C8orf88: variants seen among roughly 807,000 people sequenced by gnomAD.
The protein encoded by C8orf88 is chromosome 8 open reading frame 88.
In C8orf88, 14 loss-of-function variants were observed where a neutral mutation model predicts 18.4. The observed-to-expected ratio is 0.76, with a 90% CI of 0.50 to 1.19. C8orf88 has a LOEUF of 1.19. Among genes scored for constraint, C8orf88 ranks in the 50% most tolerant of loss-of-function variants. The pLI, the probability that C8orf88 is intolerant of heterozygous loss-of-function variation, is 0.00. For synonymous variants in C8orf88, 45 were observed against 42.9 expected (o/e 1.05, Z -0.19); for missense variants, 116 against 134.7 (o/e 0.86, Z 0.69).
chr8:90,975,015 T>TC (rs1811327585), intron 3 of C8orf88, among the ~76,000 whole-genome samples: 1 of 152,138 alleles, frequency 6.6e-6, no homozygotes, highest in African/African-American at 2.4e-5. Flanking sequence ...TATCGAAATA[T>TC]CTGAAACACT....
At chr8:90,970,523 G>T (rs1462417429) in intron 4 of C8orf88, among the ~76,000 whole-genome samples, 1 of 151,998 alleles carries the variant, frequency 6.6e-6, no homozygotes, top group Non-Finnish European at 1.5e-5. Flanking sequence ...TTCAGTAATA[G>T]AATTAACTGT....
rs916174726 is a variant in C8orf88 at position 90,962,531 on chromosome 8, G to GA, written c.224-1684dup. ...AAAAACCAGGGGAATACTTAGTGAA[G>GA]AAAAAAAAATAGCTAAATTTGGGAA... On this transcript the variant is annotated intron_variant, in intron 4 of 5. Transcript: ENST00000517562. 2.1e-4 allele frequency among the ~76,000 whole-genome samples: 31 copies of GA among 150,014 alleles called. No individual in the cohort carries two copies. In the East Asian group the frequency reaches 2.3e-3, roughly 11 times the overall value.
intron 3 of C8orf88, among the ~76,000 whole-genome samples, chr8:90,973,323 T>C (rs1466829892): frequency 1.3e-5 from 2 of 152,100 alleles, no homozygotes; most frequent in Non-Finnish European, 2.9e-5. Flanking sequence ...AATAGCCTTG[T>C]ACTGAAGAGC....
intron 4 of C8orf88, among the ~76,000 whole-genome samples, chr8:90,970,437 CATTTT>C (rs760233531): frequency 1.8e-4 from 28 of 151,930 alleles, no homozygotes; most frequent in Non-Finnish European, 3.2e-4. Context: ...AAACTAAAAT[CATTTT>C]ATTTTATTTT....
rs746219265 is a variant in C8orf88 at position 90,971,118 on chromosome 8, G to C, written c.171C>G (p.Ala57=). ...VSRCKTNGMQ[A]FSQGLNEQQQ... is the part of the protein sequence containing the mutation. The stretch of plus-strand genomic sequence containing the variant: ...GTTGCTCATTAAGACCTTGAGAAAA[G>C]GCTTGCATTCCATTCGTCTTACACT... Residue 57 remains alanine, a synonymous_variant, in exon 4 of 6, where the codon GCC becomes GCG. Transcript: ENST00000517562. 6.6e-7 allele frequency: 1 copy of C among 1,520,556 alleles called. No homozygotes were observed. 94.2% of individuals were successfully genotyped at this position (1,520,556 alleles called of 1,614,324 possible). A position where few individuals can be genotyped will look rare whatever the true frequency, so the allele number is the denominator to read the frequency against.
chr8:90,973,635 A>G (rs1342434681), intron 3 of C8orf88, among the ~76,000 whole-genome samples: 1 of 152,006 alleles, frequency 6.6e-6, no homozygotes, highest in East Asian at 1.9e-4. Flanking sequence ...GGCATATACC[A>G]CCATACCCAG....
chr8:90,975,399 C>T (rs1351348231), intron 3 of C8orf88, among the ~76,000 whole-genome samples: 4 of 151,930 alleles, frequency 2.6e-5, no homozygotes, highest in Non-Finnish European at 4.4e-5. Flanking sequence ...TTTCAATGAA[C>T]TTTTGCAGTT....
At chr8:90,977,787 C>CA (rs985004716) in intron 3 of C8orf88, among the ~76,000 whole-genome samples, 34 of 148,550 alleles carry the variant, frequency 2.3e-4, no homozygotes, top group Non-Finnish European at 2.7e-4. Flanking sequence ...ACTAAAAATA[C>CA]AAAAAAAAAA....
intron 1 of C8orf88, 61 bp from the exon 2 acceptor site, chr8:90,980,522 T>A: frequency 1.6e-6 from 1 of 632,338 alleles, no homozygotes; most frequent in Non-Finnish European, 2.6e-6. Flanking sequence ...GCTTTACATG[T>A]ATACAAATAA....
chr8:90,965,916 T>C (rs766724071), intron 4 of C8orf88, among the ~76,000 whole-genome samples: 18 of 151,822 alleles, frequency 1.2e-4, no homozygotes, highest in African/African-American at 4.3e-4. Flanking sequence ...TAAATGTCTA[T>C]ATTAAAAAAG....
rs1377006126 is a variant in C8orf88, at chr8:90,960,780, C to G, written c.292G>C (p.Asp98His). ...SSVSICRKKP[D>H]FLPDHPIVLQ... The stretch of plus-strand genomic sequence containing the variant: ...ACAATGGGATGATCAGGCAGAAAGT[C>G]TGGTTTTTTTCTGCAGATGGAAACA... The change falls in exon 5 of 6, where the codon GAC becomes CAC. Residue 98 changes from aspartate to histidine, a missense_variant. Coordinates refer to ENST00000517562, the MANE Select transcript of C8orf88 (RefSeq NM_001190972.2). The G allele has an allele frequency of 1.3e-6, 2 of 1,531,286 alleles. No homozygotes were observed. The highest frequency in any genetic ancestry group is 2.4e-5 in the South Asian group (2 of 83,870). The allele number at this position is 1,531,286 out of a possible 1,614,324, so 94.9% of individuals were successfully genotyped here.
chr8:90,977,326 C>A lies in C8orf88; in HGVS notation c.147+1253G>T, dbSNP rs542499867. ...AATCAGAGCCCCTGTTCATACAAAT[C>A]GCTTTGAAGAGTAATTTGGCAGTAT... On this transcript the variant is annotated intron_variant, in intron 3 of 5. Coordinates refer to ENST00000517562, the MANE Select transcript of C8orf88 (RefSeq NM_001190972.2). Among the ~76,000 whole-genome samples the A allele has an allele frequency of 2.0e-5, 3 of 152,236 alleles. No individual in the cohort carries two copies. In the South Asian group the frequency reaches 6.2e-4, roughly 32 times the overall value.
chr8:90,979,827 C>A (rs2130324758), intron 2 of C8orf88, among the ~76,000 whole-genome samples: 1 of 152,088 alleles, frequency 6.6e-6, no homozygotes, highest in Non-Finnish European at 1.5e-5. Context: ...GCTTCATGGG[C>A]AAAAGAAAAA....
chr8:90,966,498 TATAATAATA>T (rs34167108), intron 4 of C8orf88, among the ~76,000 whole-genome samples: 3 of 140,738 alleles, frequency 2.1e-5, no homozygotes, highest in African/African-American at 7.7e-5. Context: ...AAACTTAAAG[TATAATAATA>T]ATAATAATAA....
intron 4 of C8orf88, among the ~76,000 whole-genome samples, chr8:90,970,782 A>C (rs1280880917): frequency 6.6e-6 from 1 of 152,068 alleles, no homozygotes; most frequent in Non-Finnish European, 1.5e-5. Context: ...ATAACAGAAC[A>C]GTGGGAAAAT....
chr8:90,970,992 G>T (rs1811273473), intron 4 of C8orf88, 74 bp downstream of exon 4: 2 of 808,664 alleles, frequency 2.5e-6, no homozygotes, highest in Admixed American at 3.0e-5. Context: ...GCATCTAAGT[G>T]ATAAAGTAAT....
At chr8:90,975,861 T>C (rs1173563117) in intron 3 of C8orf88, among the ~76,000 whole-genome samples, 1 of 151,484 alleles carries the variant, frequency 6.6e-6, no homozygotes. Context: ...AAAAACTAGA[T>C]ACAATCCAAT....
intron 3 of C8orf88, among the ~76,000 whole-genome samples, chr8:90,972,584 T>C (rs1446691015): frequency 6.6e-6 from 1 of 152,098 alleles, no homozygotes; most frequent in Non-Finnish European, 1.5e-5. Flanking sequence ...TTTCAAATAA[T>C]AGCATGTAAA....
intron 2 of C8orf88, 117 bp from the exon 3 acceptor site, chr8:90,978,769 T>C: frequency 1.9e-6 from 1 of 521,226 alleles, no homozygotes; most frequent in Non-Finnish European, 3.3e-6. Flanking sequence ...TGTGTTCTGA[T>C]AGTTCATTTA....
Sources: gnomAD v4.1 joint callset for allele counts (sites outside exome capture counted in the v4.1 genomes callset) on GRCh38, gnomAD v4.1.1 for gene constraint, MANE v1.5 for transcripts, NCBI Gene and HGNC (gene_info 2026-07-23, HGNC 2026-07-21) for gene names.